Variants in CA5A observed in about 807,000 individuals in gnomAD.
CA5A encodes the protein carbonic anhydrase 5A.
CA5A carries 28 observed loss-of-function variants against 37.1 expected under a neutral mutation model. That is an observed-to-expected ratio of 0.75 (90% CI 0.56 to 1.03). The LOEUF (loss-of-function observed/expected upper bound fraction) is 1.03, where lower values mean the gene tolerates loss of function less well. Ranked by LOEUF, CA5A falls within the 50% of genes least tolerant of loss-of-function variation. CA5A has a pLI of 0.00. For missense variants in CA5A, 444 were observed against 399.9 expected (o/e 1.11, Z -0.94); for synonymous variants, 171 against 158.4 (o/e 1.08, Z -0.60).
At chr16:87,916,167 CA>C (rs371241361) in intron 2 of CA5A, among the ~76,000 whole-genome samples, 187 of 109,272 alleles carry the variant, frequency 1.7e-3, no homozygotes, top group Admixed American at 2.5e-3. Context: ...GACTCCGTCT[CA>C]AAAAAAAAAA....
intron 3 of CA5A, among the ~76,000 whole-genome samples, chr16:87,903,056 T>A (rs376484375): frequency 8.2e-4 from 124 of 152,064 alleles, no homozygotes; most frequent in African/African-American, 2.5e-3. Flanking sequence ...AAGGAGAGGA[T>A]CATGTTAACC....
At chr16:87,894,225 A>G (rs1342992661) in intron 5 of CA5A, among the ~76,000 whole-genome samples, 1 of 152,004 alleles carries the variant, frequency 6.6e-6, no homozygotes, top group African/African-American at 2.4e-5. Flanking sequence ...CCTGGCCGCA[A>G]CACAGCCCTC....
chr16:87,930,880 A>ACAGGC lies in CA5A; in HGVS notation c.143-3940_143-3936dup, dbSNP rs567193481. ...CTCAGCCTCCCAAGTAGCTGGGGTT[A>ACAGGC]CAGGCATGTGCCACCACGCCTGGGG... On this transcript the variant is annotated intron_variant, in intron 1 of 6. Transcript: ENST00000649794. 1.6e-4 allele frequency among the ~76,000 whole-genome samples: 25 copies of ACAGGC among 151,652 alleles called. No homozygotes were observed. The East Asian group carries it at 4.3e-3, about 26-fold the overall frequency.
Position 87,896,280 on chromosome 16 carries a change from A to T in CA5A, c.619-4326T>A, listed in dbSNP as rs147080809. Among the ~76,000 whole-genome samples, 797 of 152,256 alleles carry T rather than the reference A, an allele frequency of 5.2e-3. 9 individuals are homozygous for T. Among genetic ancestry groups the T allele is most frequent in the African/African-American group, 0.018 (756 of 41,566 alleles). Reference sequence around the variant, plus strand: ...GTCAGGGGAGTGGCAGGCTCCAGCCATGCCACTGCGGGTAGGTTTCTTGCC... The same window carrying T: ...GTCAGGGGAGTGGCAGGCTCCAGCCTTGCCACTGCGGGTAGGTTTCTTGCC... On this transcript the variant is annotated intron_variant, in intron 5 of 6. Transcript: ENST00000649794.
At chr16:87,902,977 C>T (rs1365743982) in intron 3 of CA5A, among the ~76,000 whole-genome samples, 1 of 151,846 alleles carries the variant, frequency 6.6e-6, no homozygotes, top group African/African-American at 2.4e-5. Flanking sequence ...ACCAGCAGCA[C>T]CTCTGAGCTC....
At chr16:87,887,914 G>A (rs2055661524), downstream of CA5A, 1 of 566,388 alleles carries the variant, frequency 1.8e-6, no homozygotes, top group Non-Finnish European at 2.9e-6. Context: ...CACTTGCGTT[G>A]GGTGCCATGG....
intron 5 of CA5A, among the ~76,000 whole-genome samples, chr16:87,895,569 A>C (rs1276458800): frequency 1.3e-4 from 20 of 152,170 alleles, no homozygotes; most frequent in Admixed American, 1.2e-3. Context: ...AAAACAAAAA[A>C]CAAAAAAAGT....
chr16:87,903,301 G>A (rs2055907989), intron 3 of CA5A, among the ~76,000 whole-genome samples: 1 of 152,104 alleles, frequency 6.6e-6, no homozygotes, highest in Admixed American at 6.6e-5. Context: ...CGCAGTGGCA[G>A]GTGCCTGTAA....
intron 2 of CA5A, among the ~76,000 whole-genome samples, chr16:87,920,700 C>T (rs1316895546): frequency 1.3e-5 from 2 of 152,200 alleles, no homozygotes; most frequent in South Asian, 2.1e-4. Context: ...TCACTTACAA[C>T]TTCCGCCTCC....
At chr16:87,925,827 C>A (rs938822717) in intron 2 of CA5A, among the ~76,000 whole-genome samples, 1 of 152,152 alleles carries the variant, frequency 6.6e-6, no homozygotes, top group African/African-American at 2.4e-5. Context: ...CCTCCACCAC[C>A]GTCTCCCACC....
At position 87,904,724 on chromosome 16, in the gene CA5A, C is replaced by G. The variant is rs1220847863; in HGVS notation, c.459+62G>C. On this transcript the variant is annotated intron_variant, in intron 3 of 6. Coordinates refer to ENST00000649794, the MANE Select transcript of CA5A (RefSeq NM_001739.2). ...CGGCGCGCATGGCTTGTTCACCCCCCACCATAGAGCCGGAGACATGGAAAG... is the reference window on the plus strand; with the variant it reads ...CGGCGCGCATGGCTTGTTCACCCCCGACCATAGAGCCGGAGACATGGAAAG... The G allele has an allele frequency of 1.7e-5, 17 of 1,026,898 alleles. 1 individual carries two copies. Among genetic ancestry groups the G allele is most frequent in the South Asian group, 7.9e-5 (6 of 76,222 alleles). 63.6% of individuals were successfully genotyped at this position (1,026,898 alleles called of 1,614,324 possible).
At chr16:87,903,032 C>G (rs2055903135) in intron 3 of CA5A, among the ~76,000 whole-genome samples, 1 of 149,350 alleles carries the variant, frequency 6.7e-6, no homozygotes, top group East Asian at 1.9e-4. Context: ...CTCAGTCTTC[C>G]TGGTGGGGGG....
At chr16:87,920,699 A>G (rs1345096488) in intron 2 of CA5A, among the ~76,000 whole-genome samples, 1 of 150,796 alleles carries the variant, frequency 6.6e-6, no homozygotes, top group Admixed American at 6.6e-5. Flanking sequence ...CTCACTTACA[A>G]CTTCCGCCTC....
At chr16:87,916,218 C>T (rs1457276647) in intron 2 of CA5A, among the ~76,000 whole-genome samples, 6 of 151,288 alleles carry the variant, frequency 4.0e-5, no homozygotes, top group African/African-American at 1.2e-4. Flanking sequence ...CAGTGGCTCA[C>T]GCCTATAATC....
chr16:87,888,161 A>G lies in CA5A; in HGVS notation c.886T>C (p.Phe296Leu), dbSNP rs773705368. ...PLMNRKVWAS[F>L]QATNEGTRS ...CTTGTGCCCTCATTAGTGGCCTGGA[A>G]GGACGCCCAGACCTTCCGGTTCATC... Residue 296 changes from phenylalanine (F) to leucine (L), a missense_variant, in exon 7 of 7, where the codon TTC (phenylalanine) becomes CTC (leucine). Coordinates refer to ENST00000649794, the MANE Select transcript of CA5A (RefSeq NM_001739.2). 6.2e-7 allele frequency: 1 copy of G among 1,613,850 alleles called. No homozygotes were observed. The highest frequency in any genetic ancestry group is 1.1e-5 in the South Asian group (1 of 91,070).
At chr16:87,887,983 T>G (rs939354243), downstream of CA5A, 13 of 1,254,944 alleles carry the variant, frequency 1.0e-5, no homozygotes, top group Non-Finnish European at 1.3e-5. Context: ...TTCTTTCACT[T>G]GCAGCTGAAA....
intron 5 of CA5A, among the ~76,000 whole-genome samples, chr16:87,896,223 TCTTC>T (rs2055800379): frequency 6.6e-6 from 1 of 152,206 alleles, no homozygotes; most frequent in Admixed American, 6.5e-5. Flanking sequence ...AGGTGCGGGC[TCTTC>T]CTTCCCTCCC....
At chr16:87,890,347 C>A (rs1185342728) in intron 6 of CA5A, among the ~76,000 whole-genome samples, 1 of 152,154 alleles carries the variant, frequency 6.6e-6, no homozygotes, top group Admixed American at 6.5e-5. Flanking sequence ...TGACAAGGGG[C>A]CACCTTCAAC....
chr16:87,899,722 C>G (rs1474869491), intron 5 of CA5A, among the ~76,000 whole-genome samples: 2 of 150,212 alleles, frequency 1.3e-5, no homozygotes, highest in African/African-American at 2.4e-5. Flanking sequence ...GAGTTTGACA[C>G]CAGCCTGGCC....
Sources: allele counts gnomAD v4.1 joint callset (sites outside exome capture counted in the v4.1 genomes callset), GRCh38; gene constraint gnomAD v4.1.1; transcripts MANE v1.5; gene names NCBI Gene and HGNC (gene_info 2026-07-23, HGNC 2026-07-21).